UGT1A7: variants seen among roughly 807,000 people sequenced by gnomAD.
UGT1A7 encodes UDP-glucuronosyltransferase 1A7.
UGT1A7 carries 33 observed loss-of-function variants against 45.6 expected under a neutral mutation model. The observed-to-expected ratio is 0.72, with a 90% CI of 0.55 to 0.97. The LOEUF (loss-of-function observed/expected upper bound fraction) is 0.97, where lower values mean the gene tolerates loss of function less well. Ranked by LOEUF, UGT1A7 falls within the 50% of genes least tolerant of loss-of-function variation. UGT1A7 has a pLI of 0.00. For missense variants in UGT1A7, 684 were observed against 666.2 expected, an observed-to-expected ratio of 1.03 and a Z score of -0.29; for synonymous variants, 274 against 250.6, an observed-to-expected ratio of 1.09 and a Z score of -0.88.
Position 233,682,004 on chromosome 2 carries a change from G to A in UGT1A7, c.67G>A (p.Ala23Thr). The A allele has an allele frequency of 6.2e-7, 1 of 1,614,150 alleles. No homozygotes were observed. The highest frequency in any genetic ancestry group is 1.1e-5 in the South Asian group (1 of 91,080). The change falls in exon 1 of 5, where the codon GCC (alanine) becomes ACC (threonine). Residue 23 changes from alanine (A) to threonine (T), a missense_variant. Coordinates refer to ENST00000373426, the MANE Select transcript of UGT1A7 (RefSeq NM_019077.3). ...GTGTCTACTGCTGACCTGTGGCTTT[G>A]CCAAGGCAGGGAAGCTGCTGGTAGT... ...YVCLLLTCGF[A>T]KAGKLLVVPM...
At chr2:233,744,513 A>C (rs1259623883) in intron 1 of UGT1A7, among the ~76,000 whole-genome samples, 1 of 151,992 alleles carries the variant, frequency 6.6e-6, no homozygotes, top group Non-Finnish European at 1.5e-5. Context: ...CCCATGACAC[A>C]ATAGCAAATC....
rs752968297 is a variant in UGT1A7 at position 233,768,220 on chromosome 2, G to T, written c.1076G>T (p.Gly359Val). 65 of 1,614,160 alleles carry T rather than the reference G, an allele frequency of 4.0e-5. No homozygotes were observed. In the Admixed American group the frequency reaches 1.0e-3, roughly 25 times the overall value. Residue 359 changes from glycine to valine, a missense_variant and splice_region_variant, in exon 4 of 5, where the codon GGT (glycine) becomes GTT (valine). Gly to Val is a moderately radical substitution (Grantham distance 109, BLOSUM62 -3). Transcript: ENST00000373426. Reference sequence around the variant, plus strand: ...ACATCCTCCCTATTTTGCATCTCAGGTCACCCGATGACCCGTGCCTTTATC... The same window carrying T: ...ACATCCTCCCTATTTTGCATCTCAGTTCACCCGATGACCCGTGCCTTTATC... ...VKWLPQNDLL[G>V]HPMTRAFITH...
chr2:233,745,835 T>A (rs2125873644), intron 1 of UGT1A7, among the ~76,000 whole-genome samples: 1 of 151,430 alleles, frequency 6.6e-6, no homozygotes, highest in African/African-American at 2.4e-5. Context: ...GGACTCTGAA[T>A]TTTCTTCTGT....
chr2:233,746,804 G>A (rs960699713), intron 1 of UGT1A7, among the ~76,000 whole-genome samples: 7 of 151,820 alleles, frequency 4.6e-5, no homozygotes, highest in African/African-American at 1.7e-4. Flanking sequence ...GAGCGTGAAT[G>A]TGGATTGCCT....
At chr2:233,700,807 G>A (rs934184744) in intron 1 of UGT1A7, among the ~76,000 whole-genome samples, 1 of 151,690 alleles carries the variant, frequency 6.6e-6, no homozygotes, top group African/African-American at 2.4e-5. Context: ...GTGCCATGTT[G>A]GTGTGCTGCA....
intron 1 of UGT1A7, chr2:233,719,729 A>C: frequency 6.2e-7 from 1 of 1,613,584 alleles, no homozygotes. Context: ...TCCAGGCAAA[A>C]CACTTTTTAA....
At chr2:233,692,661 G>A (rs922876632) in intron 1 of UGT1A7, among the ~76,000 whole-genome samples, 2 of 152,176 alleles carry the variant, frequency 1.3e-5, no homozygotes, top group Admixed American at 6.5e-5. Flanking sequence ...CAGCAAGTTC[G>A]GGATAGAGAA....
intron 1 of UGT1A7, among the ~76,000 whole-genome samples, chr2:233,744,543 A>T (rs946291189): frequency 4.6e-5 from 7 of 152,050 alleles, no homozygotes; most frequent in East Asian, 1.9e-4. Flanking sequence ...TGTAAATTTT[A>T]TTAAGACAAA....
chr2:233,770,680 G>C (rs940972002), intron 4 of UGT1A7: 1 of 151,464 alleles, frequency 6.6e-6, no homozygotes, highest in Non-Finnish European at 1.5e-5. Context: ...AAAAAAGAAG[G>C]TTCCAAGAAA....
At chr2:233,718,692 G>A in intron 1 of UGT1A7, 1 of 1,589,924 alleles carries the variant, frequency 6.3e-7, no homozygotes, top group Middle Eastern at 2.3e-4. Context: ...AACTGGAGGA[G>A]GGCACTTTGT....
intron 1 of UGT1A7, chr2:233,747,970 C>T: frequency 6.2e-7 from 1 of 1,613,476 alleles, no homozygotes; most frequent in Non-Finnish European, 8.5e-7. Context: ...AGCCATGCAT[C>T]TGTGTGGCTG....
chr2:233,701,490 G>A (rs1170806303), intron 1 of UGT1A7, among the ~76,000 whole-genome samples: 10 of 151,864 alleles, frequency 6.6e-5, no homozygotes, highest in Admixed American at 2.6e-4. Context: ...TGCACCAAGC[G>A]GACCTAATAG....
At chr2:233,736,459 C>T (rs1461778368) in intron 1 of UGT1A7, among the ~76,000 whole-genome samples, 1 of 152,202 alleles carries the variant, frequency 6.6e-6, no homozygotes, top group African/African-American at 2.4e-5. Flanking sequence ...TTCGAACATG[C>T]ACTTTTAGCT....
At chr2:233,729,963 C>A in intron 1 of UGT1A7, 6 of 1,614,038 alleles carry the variant, frequency 3.7e-6, no homozygotes, top group Non-Finnish European at 5.1e-6. Context: ...TTGGGGGCAT[C>A]AACTGTGCCA....
At chr2:233,708,440 C>A (rs1172500075) in intron 1 of UGT1A7, 1 of 152,126 alleles carries the variant, frequency 6.6e-6, no homozygotes, top group African/African-American at 2.4e-5. Context: ...CTGGTATTTA[C>A]CTTCTGCATT....
chr2:233,744,850 C>T (rs534580707), intron 1 of UGT1A7, among the ~76,000 whole-genome samples: 1 of 152,016 alleles, frequency 6.6e-6, no homozygotes, highest in African/African-American at 2.4e-5. Context: ...GCAGAGTAGT[C>T]CTTGGTATTC....
intron 1 of UGT1A7, among the ~76,000 whole-genome samples, chr2:233,732,068 C>T (rs1485941196): frequency 6.6e-6 from 1 of 152,198 alleles, no homozygotes; most frequent in Non-Finnish European, 1.5e-5. Flanking sequence ...TGTCTGTTGG[C>T]TGCATAAATG....
chr2:233,733,519 G>C (rs951555502), intron 1 of UGT1A7, among the ~76,000 whole-genome samples: 3 of 152,168 alleles, frequency 2.0e-5, no homozygotes, highest in Non-Finnish European at 2.9e-5. Context: ...AGGCATGAAG[G>C]GATGTTTAAT....
At chr2:233,729,013 C>T (rs1190048509) in intron 1 of UGT1A7, 1 of 1,586,394 alleles carries the variant, frequency 6.3e-7, no homozygotes, top group Non-Finnish European at 8.6e-7. Context: ...CTCTGTCTTC[C>T]AATTACACGT....
Sources: gnomAD v4.1 joint callset for allele counts (sites outside exome capture counted in the v4.1 genomes callset) on GRCh38, gnomAD v4.1.1 for gene constraint, MANE v1.5 for transcripts, NCBI Gene and HGNC (gene_info 2026-07-23, HGNC 2026-07-21) for gene names.